The following COPG2 variants were observed in gnomAD, a reference collection of about 807,000 sequenced individuals.
COPG2 encodes coat protein complex I subunit gamma 2, also known as coatomer subunit gamma-2.
COPG2 carries 37 observed loss-of-function variants against 46.3 expected under a neutral mutation model. The observed-to-expected ratio is 0.80, with a 90% CI of 0.61 to 1.05. The LOEUF (loss-of-function observed/expected upper bound fraction) is 1.05, where lower values mean the gene tolerates loss of function less well. Among genes scored for constraint, COPG2 ranks in the 50% least tolerant of loss-of-function variants. COPG2 has a pLI of 0.00. For missense variants in COPG2, 427 were observed against 387.8 expected (o/e 1.10, Z -0.85); for synonymous variants, 159 against 129.7 (o/e 1.23, Z -1.53).
At chr7:130,605,143 T>C (rs1554451045) in intron 9 of COPG2, 2 of 509,878 alleles carry the variant, frequency 3.9e-6, no homozygotes, top group African/African-American at 2.0e-5. Context: ...TTTATTTTCT[T>C]TAATCTGTTT....
At position 130,547,707 on chromosome 7, in the gene COPG2, G is replaced by A. The variant is rs1793468095; in HGVS notation, c.2116C>T (p.Leu706Phe). The A allele has an allele frequency of 5.0e-6, 2 of 398,538 alleles. No homozygotes were observed. Among genetic ancestry groups the A allele is most frequent in the Admixed American group, 4.4e-5 (1 of 22,724 alleles). 24.7% of individuals were successfully genotyped at this position (398,538 alleles called of 1,614,324 possible). A position where few individuals can be genotyped will look rare whatever the true frequency, so the allele number is the denominator to read the frequency against. The part of the protein sequence containing the change: ...PYNQPGICYT[L>F]VRLPDDDPTA... ...GGGTCATCATCAGGCAAACGAACAAGAGTGTAACATATTCCTGGTTGGTTA... is the reference window on the plus strand; with the variant it reads ...GGGTCATCATCAGGCAAACGAACAAAAGTGTAACATATTCCTGGTTGGTTA... The change falls in exon 20 of 24, where the codon CTT (leucine) becomes TTT (phenylalanine). Residue 706 changes from leucine to phenylalanine, a missense_variant. Physicochemically the swap from Leu to Phe is conservative, Grantham distance 22. Coordinates refer to ENST00000425248, the MANE Select transcript of COPG2 (RefSeq NM_012133.6).
intron 5 of COPG2, among the ~76,000 whole-genome samples, chr7:130,651,952 T>A (rs1267301760): frequency 6.6e-6 from 1 of 152,202 alleles, no homozygotes; most frequent in East Asian, 1.9e-4. Context: ...GTCTGGCACA[T>A]AAAATGTTCT....
Position 130,644,649 on chromosome 7 carries a change from T to C in COPG2, c.323+8220A>G, listed in dbSNP as rs117061808. 2.0e-5 allele frequency among the ~76,000 whole-genome samples: 3 copies of C among 152,208 alleles called. No individual in the cohort carries two copies. In the East Asian group the frequency reaches 5.8e-4, roughly 29 times the overall value. The stretch of plus-strand genomic sequence containing the variant: ...TGAACAGGCCTGTTAAGTGAATACC[T>C]TGGAAGCTATTTCCTTGGAAGCTGA... On this transcript the variant is annotated intron_variant, in intron 5 of 23. Coordinates refer to ENST00000425248, the MANE Select transcript of COPG2 (RefSeq NM_012133.6).
chr7:130,663,399 G>A (rs1796015386), intron 3 of COPG2, among the ~76,000 whole-genome samples: 1 of 152,158 alleles, frequency 6.6e-6, no homozygotes, highest in Non-Finnish European at 1.5e-5. Flanking sequence ...CTGCCTAAGA[G>A]CAGAGATCAT....
At chr7:130,612,587 C>T (rs1226500615) in intron 7 of COPG2, among the ~76,000 whole-genome samples, 1 of 152,144 alleles carries the variant, frequency 6.6e-6, no homozygotes, top group African/African-American at 2.4e-5. Context: ...AAAGAGAGTA[C>T]TAGTATATTC....
intron 5 of COPG2, among the ~76,000 whole-genome samples, chr7:130,638,328 C>T (rs1478637768): frequency 1.3e-5 from 2 of 152,142 alleles, no homozygotes; most frequent in Non-Finnish European, 2.9e-5. Context: ...TGCCCACAGC[C>T]GCCCCTTCCC....
intron 5 of COPG2, among the ~76,000 whole-genome samples, chr7:130,624,917 G>A (rs184374620): frequency 2.6e-4 from 40 of 152,172 alleles, no homozygotes; most frequent in African/African-American, 9.2e-4. Flanking sequence ...CTTTTCCTTC[G>A]AGTAGATACC....
chr7:130,561,058 A>C lies in COPG2; in HGVS notation c.1103T>G (p.Val368Gly). ...CTTGAACTCATCTGAGATTTCAGAC[A>C]CAAAAGAAGATATCTGCTTCATGAG... is the stretch of plus-strand genomic sequence containing the variant. ...DRLMKQISSFVSEISDEFKVV... is the reference protein window; with the variant it reads ...DRLMKQISSFGSEISDEFKVV... The change falls in exon 12 of 24, where the codon GTG becomes GGG. Residue 368 changes from valine (V) to glycine (G), a missense_variant. Coordinates refer to ENST00000425248, the MANE Select transcript of COPG2 (RefSeq NM_012133.6). The C allele has an allele frequency of 2.5e-6, 1 of 398,588 alleles. No homozygotes were observed. Among genetic ancestry groups the C allele is most frequent in the Non-Finnish European group, 4.4e-6 (1 of 226,038 alleles). 24.7% of individuals were successfully genotyped at this position (398,588 alleles called of 1,614,324 possible). A position where few individuals can be genotyped will look rare whatever the true frequency, so the allele number is the denominator to read the frequency against.
At chr7:130,619,290 A>C (rs187977159) in intron 5 of COPG2, among the ~76,000 whole-genome samples, 5 of 152,344 alleles carry the variant, frequency 3.3e-5, no homozygotes, top group Non-Finnish European at 5.9e-5. Flanking sequence ...AATGTTCACT[A>C]TAATAGCCAT....
chr7:130,633,270 T>A (rs1278783037), intron 5 of COPG2, among the ~76,000 whole-genome samples: 2 of 152,196 alleles, frequency 1.3e-5, no homozygotes, highest in African/African-American at 4.8e-5. Context: ...AGTAATGCGA[T>A]TACTGGCTCT....
chr7:130,511,601 GAC>G, intron 20 of COPG2: 3 of 519,048 alleles, frequency 5.8e-6, no homozygotes, highest in South Asian at 4.2e-5. Flanking sequence ...ACTAAGGAAT[GAC>G]ACACATCAAC....
At chr7:130,604,765 G>A (rs1158820944) in intron 9 of COPG2, 1 of 507,360 alleles carries the variant, frequency 2.0e-6, no homozygotes, top group Non-Finnish European at 3.9e-6. Context: ...CTAGGGGAAA[G>A]CTTTTAATAG....
In COPG2 at chr7:130,558,942, A is replaced by T. The variant is rs1002153018; in HGVS notation, c.1128+2091T>A. On this transcript the variant is annotated intron_variant, in intron 12 of 23. Transcript: ENST00000425248. ...ACCAGAGATCTAAATGTAAAATATGAAACTATAAATGTATTAGAAGAGAAC... is the reference window on the plus strand; with the variant it reads ...ACCAGAGATCTAAATGTAAAATATGTAACTATAAATGTATTAGAAGAGAAC... 2.6e-5 allele frequency among the ~76,000 whole-genome samples: 4 copies of T among 152,330 alleles called. No individual in the cohort carries two copies. The East Asian group carries it at 7.7e-4, about 29-fold the overall frequency.
chr7:130,611,929 A>G (rs1794856606), intron 8 of COPG2, among the ~76,000 whole-genome samples: 1 of 152,234 alleles, frequency 6.6e-6, no homozygotes, highest in Admixed American at 6.5e-5. Context: ...ATCTTTCCCA[A>G]ATATTCCTAC....
intron 20 of COPG2, among the ~76,000 whole-genome samples, chr7:130,537,786 T>G: frequency 1.3e-5 from 2 of 152,260 alleles, no homozygotes; most frequent in East Asian, 3.9e-4. Context: ...GGGCGAAGTG[T>G]TTGATGCAGG....
At chr7:130,576,637 T>C (rs1794003481) in intron 9 of COPG2, among the ~76,000 whole-genome samples, 1 of 152,090 alleles carries the variant, frequency 6.6e-6, no homozygotes, top group Non-Finnish European at 1.5e-5. Context: ...TTCAAGTGCC[T>C]ACATCAAAAA....
chr7:130,607,136 G>A (rs1282155909), intron 9 of COPG2, among the ~76,000 whole-genome samples: 1 of 151,990 alleles, frequency 6.6e-6, no homozygotes, highest in Admixed American at 6.6e-5. Context: ...AGCTACTTGG[G>A]AGGCTGAGGT....
rs551276742 is a variant in COPG2 at position 130,577,625 on chromosome 7, G to C, written c.738-13232C>G. Among the ~76,000 whole-genome samples the C allele has an allele frequency of 9.2e-5, 14 of 151,576 alleles. No homozygotes were observed. The South Asian group carries it at 2.9e-3, about 32-fold the overall frequency. ...AAATACAAAAAATTAGCCGGGCGCGGTGGCGGGCGCCTGTAGTCCCAGCTA... is the reference window on the plus strand; with the variant it reads ...AAATACAAAAAATTAGCCGGGCGCGCTGGCGGGCGCCTGTAGTCCCAGCTA... On this transcript the variant is annotated intron_variant, in intron 9 of 23. Coordinates refer to ENST00000425248, the MANE Select transcript of COPG2 (RefSeq NM_012133.6).
intron 6 of COPG2, among the ~76,000 whole-genome samples, chr7:130,616,111 A>G (rs1794944543): frequency 1.3e-5 from 2 of 152,230 alleles, no homozygotes; most frequent in African/African-American, 4.8e-5. Context: ...AGAGGAAAAG[A>G]TGCCAGGCTG....
Sources: gnomAD v4.1 joint callset for allele counts (sites outside exome capture counted in the v4.1 genomes callset) on GRCh38, gnomAD v4.1.1 for gene constraint, MANE v1.5 for transcripts, NCBI Gene and HGNC (gene_info 2026-07-23, HGNC 2026-07-21) for gene names.